PCDHGA4: variants seen among roughly 807,000 people sequenced by gnomAD.
PCDHGA4 encodes the protein protocadherin gamma-A4.
A neutral mutation model predicts 54.6 loss-of-function variants in PCDHGA4; 38 were observed. That is an observed-to-expected ratio of 0.70 (90% CI 0.54 to 0.91). The LOEUF is 0.91. PCDHGA4 is among the 40% of genes least tolerant of loss of function. The pLI, the probability that PCDHGA4 is intolerant of heterozygous loss-of-function variation, is 0.00. For synonymous variants in PCDHGA4, 511 were observed against 512.9 expected (o/e 1.00, Z 0.05); for missense variants, 1,298 against 1,220.9 (o/e 1.06, Z -0.94).
chr5:141,482,530 CA>C (rs3074545), intron 1 of PCDHGA4, among the ~76,000 whole-genome samples: 1,133 of 76,538 alleles, frequency 0.015, 6 homozygotes, highest in Admixed American at 0.025. Flanking sequence ...GACAGACATG[CA>C]AAAAAAAAAA....
intron 1 of PCDHGA4, among the ~76,000 whole-genome samples, chr5:141,447,339 A>T (rs767342137): frequency 6.6e-6 from 1 of 151,770 alleles, no homozygotes; most frequent in Non-Finnish European, 1.5e-5. Flanking sequence ...GGGTTTCATC[A>T]TATTGGTCAG....
chr5:141,452,252 C>T (rs868364679), intron 1 of PCDHGA4, among the ~76,000 whole-genome samples: 2 of 152,106 alleles, frequency 1.3e-5, no homozygotes, highest in Non-Finnish European at 2.9e-5. Context: ...TTTGCCATAA[C>T]TCTCTCATTT....
rs376515666 is a variant in PCDHGA4, at chr5:141,394,832, C to T, written c.2514+37211C>T. On this transcript the variant is annotated intron_variant, in intron 1 of 3. Coordinates refer to ENST00000571252, the MANE Select transcript of PCDHGA4 (RefSeq NM_018917.4). The stretch of plus-strand genomic sequence containing the variant: ...CTGACAGCATCCCCGAAGTCCTGAC[C>T]GAGTTGGGCAGTCTGAAGCCTTCGG... The T allele has an allele frequency of 1.5e-5, 24 of 1,613,710 alleles. No individual in the cohort carries two copies. In the East Asian group the frequency reaches 3.3e-4, roughly 22 times the overall value.
In PCDHGA4 at chr5:141,454,796, A is replaced by ATTTTTTTTTTTTTTTTTTTTT. The variant is rs61612330; in HGVS notation, c.2515-40002_2515-39982dup. Reference sequence around the variant, plus strand: ...AAGGAAATAATCCTCCATGGTTCTAATTTTTTTTTTTTTTTTTTTTTTTTT... The same window carrying ATTTTTTTTTTTTTTTTTTTTT: ...AAGGAAATAATCCTCCATGGTTCTAATTTTTTTTTTTTTTTTTTTTTTTTTTTTTTTTTTTTTTTTTTTTTT... On this transcript the variant is annotated intron_variant, in intron 1 of 3. Transcript: ENST00000571252. Among the ~76,000 whole-genome samples, 10 of 77,454 alleles carry ATTTTTTTTTTTTTTTTTTTTT rather than the reference A, an allele frequency of 1.3e-4. 1 individual carries two copies. Among genetic ancestry groups the ATTTTTTTTTTTTTTTTTTTTT allele is most frequent in the Non-Finnish European group, 1.9e-4 (8 of 42,810 alleles). The allele number at this position is 77,454 out of a possible 152,430, so 50.8% of individuals were successfully genotyped here. A position where few individuals can be genotyped will look rare whatever the true frequency, so the allele number is the denominator to read the frequency against.
intron 1 of PCDHGA4, among the ~76,000 whole-genome samples, chr5:141,386,767 T>A (rs749741311): frequency 5.3e-5 from 8 of 152,202 alleles, no homozygotes; most frequent in Non-Finnish European, 1.0e-4. Flanking sequence ...TTATAAGGTA[T>A]TTTGTAAAAG....
At chr5:141,391,248 A>G (rs1561633877) in intron 1 of PCDHGA4, 1 of 152,120 alleles carries the variant, frequency 6.6e-6, no homozygotes, top group Non-Finnish European at 1.5e-5. Context: ...TATCTAAGCA[A>G]CTGCTTCAGT....
At chr5:141,419,797 A>G (rs371201079) in intron 1 of PCDHGA4, 14 of 1,613,920 alleles carry the variant, frequency 8.7e-6, no homozygotes, top group Non-Finnish European at 1.1e-5. Flanking sequence ...TAGTCGCTGT[A>G]AGAGATGGAG....
chr5:141,420,318 T>C, intron 1 of PCDHGA4: 1 of 1,446,376 alleles, frequency 6.9e-7, no homozygotes, highest in Non-Finnish European at 9.3e-7. Context: ...TATTACAATA[T>C]GCCAATATAT....
At chr5:141,387,089 G>T (rs1034064461) in intron 1 of PCDHGA4, among the ~76,000 whole-genome samples, 1 of 152,162 alleles carries the variant, frequency 6.6e-6, no homozygotes, top group African/African-American at 2.4e-5. Flanking sequence ...TGTGATCATC[G>T]AAATGAGAAT....
chr5:141,476,205 C>G lies in PCDHGA4; in HGVS notation c.2515-18602C>G. ...CTGCTTGGTGCCTTGAACAAGGCTT[C>G]CACGGTCATTCACTATGAGATCCCG... On this transcript the variant is annotated intron_variant, in intron 1 of 3. Transcript: ENST00000571252. The surrounding 1 kb of genome is among the most constrained non-coding windows in gnomAD (Gnocchi z 7.6). 1 of 1,613,892 alleles carries G rather than the reference C, an allele frequency of 6.2e-7. No homozygotes were observed. Among genetic ancestry groups the G allele is most frequent in the Non-Finnish European group, 8.5e-7 (1 of 1,180,012 alleles).
chr5:141,420,286 A>C, intron 1 of PCDHGA4: 1 of 1,505,774 alleles, frequency 6.6e-7, no homozygotes, highest in Non-Finnish European at 8.9e-7. Flanking sequence ...TAAGTATTTA[A>C]AAATGTATTT....
chr5:141,364,576 C>A, intron 1 of PCDHGA4: 2 of 1,614,210 alleles, frequency 1.2e-6, no homozygotes, highest in East Asian at 4.5e-5. Context: ...CGCGAAGCGG[C>A]AGCTTGGTCA....
rs533857281 is a variant in PCDHGA4 at position 141,429,742 on chromosome 5, T to C, written c.2515-65065T>C. Among the ~76,000 whole-genome samples the C allele has an allele frequency of 3.8e-4, 58 of 152,336 alleles. 1 individual carries two copies. Among genetic ancestry groups the C allele is most frequent in the Admixed American group, 2.0e-4 (3 of 15,302 alleles). Reference sequence around the variant, plus strand: ...ATGAAAGTACGTAGCCAGTTATTTCTTAGGGAGAATTTTTTCCCTATATTT... The same window carrying C: ...ATGAAAGTACGTAGCCAGTTATTTCCTAGGGAGAATTTTTTCCCTATATTT... On this transcript the variant is annotated intron_variant, in intron 1 of 3. Transcript: ENST00000571252.
chr5:141,394,066 A>T (rs1589216611), intron 1 of PCDHGA4: 1 of 1,613,738 alleles, frequency 6.2e-7, no homozygotes, highest in Admixed American at 1.7e-5. Context: ...GTCTCTATCT[A>T]CAATATCACA....
Position 141,489,732 on chromosome 5 carries a change from C to T in PCDHGA4, c.2515-5075C>T, listed in dbSNP as rs1562132763. On this transcript the variant is annotated intron_variant, in intron 1 of 3. Coordinates refer to ENST00000571252, the MANE Select transcript of PCDHGA4 (RefSeq NM_018917.4). This position sits in a 1 kb window ranked among gnomAD's most constrained non-coding sequence, Gnocchi z 4.5. ...GTGCCCAGGATCCGGATGTGGGCAC[C>T]AATACTGTGAGCTTTTACACTCTAA... 3.1e-6 allele frequency: 5 copies of T among 1,614,126 alleles called. No individual in the cohort carries two copies. The highest frequency in any genetic ancestry group is 1.1e-5 in the South Asian group (1 of 91,074).
At chr5:141,370,770 A>G (rs1479523551) in intron 1 of PCDHGA4, 1 of 1,614,024 alleles carries the variant, frequency 6.2e-7, no homozygotes, top group South Asian at 1.1e-5. Context: ...GATCCAGGAT[A>G]TTAACGACAA....
chr5:141,496,772 T>C (rs994207358), intron 2 of PCDHGA4, among the ~76,000 whole-genome samples: 9 of 152,008 alleles, frequency 5.9e-5, no homozygotes, highest in African/African-American at 1.2e-4. Flanking sequence ...GCATCTACTA[T>C]GAGCAGGGCC....
rs1435378035 is a variant in PCDHGA4 at position 141,355,865 on chromosome 5, G to A, written c.758G>A (p.Arg253His). 15 of 1,612,534 alleles carry A rather than the reference G, an allele frequency of 9.3e-6. No individual in the cohort carries two copies. The highest frequency in any genetic ancestry group is 1.3e-5 in the African/African-American group (1 of 74,890). The change falls in exon 1 of 4, where the codon CGC (arginine) becomes CAC (histidine). Residue 253 changes from arginine to histidine, a missense_variant. Physicochemically the swap from Arg to His is conservative, Grantham distance 29. Transcript: ENST00000571252. ...LTAFDGGDPV[R>H]SGTARILIIL... ...GCCTTCGATGGAGGTGACCCGGTTC[G>A]CTCTGGCACTGCCAGGATTCTCATA... is the stretch of plus-strand genomic sequence containing the variant.
In PCDHGA4 at chr5:141,489,126, T is replaced by C; in HGVS notation, c.2515-5681T>C. ...TGCAAGCAGGCAAACCTCCGAGCAG[T>C]TTTTAAGAGGCTGGAAGGAGACATA... On this transcript the variant is annotated intron_variant, in intron 1 of 3. Coordinates refer to ENST00000571252, the MANE Select transcript of PCDHGA4 (RefSeq NM_018917.4). This position sits in a 1 kb window ranked among gnomAD's most constrained non-coding sequence, Gnocchi z 4.5. 1.7e-6 allele frequency: 1 copy of C among 585,136 alleles called. No individual in the cohort carries two copies. Among genetic ancestry groups the C allele is most frequent in the South Asian group, 3.2e-5 (1 of 31,406 alleles). The allele number at this position is 585,136 out of a possible 1,614,324, so 36.2% of individuals were successfully genotyped here. A position where few individuals can be genotyped will look rare whatever the true frequency, so the allele number is the denominator to read the frequency against.
Sources: allele counts gnomAD v4.1 joint callset (sites outside exome capture counted in the v4.1 genomes callset), GRCh38; gene constraint gnomAD v4.1.1; non-coding constraint Gnocchi (gnomAD v3.1); transcripts MANE v1.5; gene names NCBI Gene and HGNC (gene_info 2026-07-23, HGNC 2026-07-21).